LUZP2: variants seen among roughly 807,000 people sequenced by gnomAD.
The protein encoded by LUZP2 is leucine zipper protein 2.
Under a neutral mutation model 51.6 loss-of-function variants are expected in LUZP2, and 52 were observed. The observed-to-expected ratio is 1.01, with a 90% confidence interval of 0.81 to 1.27. The LOEUF (loss-of-function observed/expected upper bound fraction) is 1.27. Ranked by LOEUF, LUZP2 falls within the 50% of genes most tolerant of loss-of-function variation. The pLI is 0.00. For synonymous variants in LUZP2, 154 were observed against 137.3 expected (o/e 1.12, Z -0.85); for missense variants, 436 against 395.4 (o/e 1.10, Z -0.87).
intron 9 of LUZP2, among the ~76,000 whole-genome samples, chr11:25,032,662 T>C (rs1472762386): frequency 6.6e-6 from 1 of 152,050 alleles, no homozygotes; most frequent in Non-Finnish European, 1.5e-5. Flanking sequence ...TCTGGGCAAA[T>C]AGCATTGATA....
chr11:24,815,886 T>A (rs1042220752), intron 5 of LUZP2, among the ~76,000 whole-genome samples: 1 of 152,082 alleles, frequency 6.6e-6, no homozygotes, highest in African/African-American at 2.4e-5. Flanking sequence ...ACTTAAACTG[T>A]TTAATCACTG....
At chr11:25,041,093 T>C (rs1208742715) in intron 9 of LUZP2, among the ~76,000 whole-genome samples, 6 of 152,154 alleles carry the variant, frequency 3.9e-5, no homozygotes, top group African/African-American at 1.2e-4. Flanking sequence ...TACCATTGTT[T>C]ATATTTTGTT....
intron 9 of LUZP2, among the ~76,000 whole-genome samples, chr11:25,014,973 A>C (rs1857106397): frequency 6.6e-6 from 1 of 152,164 alleles, no homozygotes; most frequent in Non-Finnish European, 1.5e-5. Flanking sequence ...ACATATGGCT[A>C]GCCAGTTTCC....
At chr11:25,002,080 A>C (rs1234785595) in intron 9 of LUZP2, among the ~76,000 whole-genome samples, 2 of 152,232 alleles carry the variant, frequency 1.3e-5, no homozygotes, top group Non-Finnish European at 2.9e-5. Flanking sequence ...CAGCATGGGC[A>C]TGAAGGATTA....
intron 5 of LUZP2, among the ~76,000 whole-genome samples, chr11:24,766,220 T>C (rs1860184449): frequency 6.6e-6 from 1 of 152,182 alleles, no homozygotes; most frequent in African/African-American, 2.4e-5. Context: ...CGTCTGCTTT[T>C]CTCTTTATAT....
intron 1 of LUZP2, among the ~76,000 whole-genome samples, chr11:24,537,000 G>A (rs900510445): frequency 1.3e-5 from 2 of 151,852 alleles, no homozygotes; most frequent in African/African-American, 4.8e-5. Context: ...AAAGACAAGG[G>A]AACAGCTAGT....
At chr11:25,014,967 A>C (rs952227339) in intron 9 of LUZP2, among the ~76,000 whole-genome samples, 2 of 152,238 alleles carry the variant, frequency 1.3e-5, no homozygotes, top group East Asian at 1.9e-4. Flanking sequence ...CTTTCTACAT[A>C]TGGCTAGCCA....
intron 1 of LUZP2, among the ~76,000 whole-genome samples, chr11:24,657,125 C>A (rs1855834107): frequency 6.6e-6 from 1 of 151,858 alleles, no homozygotes; most frequent in Non-Finnish European, 1.5e-5. Context: ...GAGAAAAAAA[C>A]AAGAATAAAA....
chr11:24,614,202 T>C (rs934895391), intron 1 of LUZP2, among the ~76,000 whole-genome samples: 1 of 151,922 alleles, frequency 6.6e-6, no homozygotes, highest in Non-Finnish European at 1.5e-5. Context: ...ATGAAGGAAT[T>C]ATATTTGAAT....
chr11:24,616,969 C>T (rs184097764), intron 1 of LUZP2, among the ~76,000 whole-genome samples: 2 of 152,028 alleles, frequency 1.3e-5, no homozygotes, highest in African/African-American at 4.8e-5. Context: ...AGAATGTATT[C>T]GGCTTTTGTT....
At chr11:24,712,537 T>C (rs1328170451) in intron 1 of LUZP2, among the ~76,000 whole-genome samples, 1 of 152,192 alleles carries the variant, frequency 6.6e-6, no homozygotes, top group Non-Finnish European at 1.5e-5. Flanking sequence ...AAAGGGATTC[T>C]GGCTAACCTA....
intron 1 of LUZP2, among the ~76,000 whole-genome samples, chr11:24,543,438 C>T (rs1851440697): frequency 6.6e-6 from 1 of 152,020 alleles, no homozygotes; most frequent in African/African-American, 2.4e-5. Context: ...AGACTATGTG[C>T]ATTATCCCAA....
At chr11:25,076,498 A>C (rs1464051261) in intron 10 of LUZP2, among the ~76,000 whole-genome samples, 5 of 151,714 alleles carry the variant, frequency 3.3e-5, no homozygotes, top group African/African-American at 9.7e-5. Flanking sequence ...AAAGGAAGAG[A>C]GGAAGGAGGA....
In LUZP2 at chr11:24,692,817, C is replaced by T. The variant is rs914173413; in HGVS notation, c.63-36352C>T. Among the ~76,000 whole-genome samples the T allele has an allele frequency of 1.2e-3, 180 of 151,968 alleles. 1 individual carries two copies. Among genetic ancestry groups the T allele is most frequent in the African/African-American group, 4.1e-3 (171 of 41,502 alleles). ...AATTTAGGAGAATATTAAATTATTA[C>T]CTTAAAATTCATAAAACAAAGAAAA... On this transcript the variant is annotated intron_variant, in intron 1 of 11. Coordinates refer to ENST00000336930, the MANE Select transcript of LUZP2 (RefSeq NM_001009909.4).
intron 1 of LUZP2, among the ~76,000 whole-genome samples, chr11:24,699,699 ACACG>A (rs533267872): frequency 2.9e-4 from 30 of 102,600 alleles, no homozygotes; most frequent in East Asian, 1.7e-3. Flanking sequence ...ACACACACAC[ACACG>A]CACACATCAT....
intron 5 of LUZP2, among the ~76,000 whole-genome samples, chr11:24,811,550 G>T (rs1202551767): frequency 1.3e-5 from 2 of 151,676 alleles, no homozygotes; most frequent in African/African-American, 4.8e-5. Flanking sequence ...TTGTTACATA[G>T]ATAAATTATG....
At chr11:24,998,866 G>A (rs2133938837) in intron 9 of LUZP2, among the ~76,000 whole-genome samples, 1 of 151,996 alleles carries the variant, frequency 6.6e-6, no homozygotes, top group South Asian at 2.1e-4. Flanking sequence ...TGTCATGCAT[G>A]CAGTCGATAA....
At chr11:24,863,404 C>T (rs3850768) in intron 5 of LUZP2, among the ~76,000 whole-genome samples, 150,365 of 152,272 alleles carry the variant, frequency 0.99, 74,261 homozygotes, top group East Asian at 1. Flanking sequence ...TGCTACAATA[C>T]GGATGAACCT....
chr11:24,844,458 A>G (rs1851136313), intron 5 of LUZP2, among the ~76,000 whole-genome samples: 1 of 152,130 alleles, frequency 6.6e-6, no homozygotes, highest in Non-Finnish European at 1.5e-5. Context: ...CAGAGTGTAA[A>G]AGTTCAGAAT....
Sources: allele counts gnomAD v4.1 joint callset (sites outside exome capture counted in the v4.1 genomes callset), GRCh38; gene constraint gnomAD v4.1.1; transcripts MANE v1.5; gene names NCBI Gene and HGNC (gene_info 2026-07-23, HGNC 2026-07-21).